CDC42BPA: variants seen among roughly 807,000 people sequenced by gnomAD.
CDC42BPA encodes CDC42 binding protein kinase alpha.
Under a neutral mutation model 223.5 loss-of-function variants are expected in CDC42BPA, and 80 were observed. That is an observed-to-expected ratio of 0.36 (90% CI 0.30 to 0.43). The LOEUF is 0.43. Among genes scored for constraint, CDC42BPA ranks in the 20% least tolerant of loss-of-function variants. The pLI is 1.00. For missense variants in CDC42BPA, 1,743 were observed against 2,099.9 expected (o/e 0.83, Z 3.32); for synonymous variants, 694 against 718.6 (o/e 0.97, Z 0.55).
chr1:227,184,635 TTAAC>T (rs1464242256), intron 5 of CDC42BPA, among the ~76,000 whole-genome samples: 46 of 152,158 alleles, frequency 3.0e-4, no homozygotes, highest in South Asian at 2.1e-4. Flanking sequence ...CAAAATCTGT[TTAAC>T]TACTCCAGTT....
At chr1:227,077,823 CT>C (rs1679823918) in intron 17 of CDC42BPA, among the ~76,000 whole-genome samples, 1 of 152,132 alleles carries the variant, frequency 6.6e-6, no homozygotes, top group African/African-American at 2.4e-5. Context: ...ACCTCCTTAA[CT>C]CACAATTCAG....
chr1:227,220,181 G>C (rs1480872794), intron 2 of CDC42BPA, among the ~76,000 whole-genome samples: 2 of 151,276 alleles, frequency 1.3e-5, no homozygotes, highest in African/African-American at 4.9e-5. Context: ...GAGCAAATTT[G>C]GCTGTCCTTA....
chr1:227,192,412 T>C (rs1669876207), intron 5 of CDC42BPA, among the ~76,000 whole-genome samples: 1 of 152,226 alleles, frequency 6.6e-6, no homozygotes, highest in Non-Finnish European at 1.5e-5. Context: ...TCAGCACTTC[T>C]GCAGCTGACT....
At chr1:227,276,695 A>T (rs555540099) in intron 1 of CDC42BPA, among the ~76,000 whole-genome samples, 1 of 152,368 alleles carries the variant, frequency 6.6e-6, no homozygotes, top group South Asian at 2.1e-4. Context: ...TGTAGAAAGA[A>T]GTGGACATAG....
At chr1:227,184,463 C>A (rs2150068323) in intron 5 of CDC42BPA, among the ~76,000 whole-genome samples, 1 of 151,298 alleles carries the variant, frequency 6.6e-6, no homozygotes, top group Admixed American at 6.6e-5. Context: ...TTCTCAAAAT[C>A]AGTTGAAAAT....
intron 10 of CDC42BPA, among the ~76,000 whole-genome samples, chr1:227,135,510 G>A (rs1297646259): frequency 2.0e-5 from 3 of 152,084 alleles, no homozygotes; most frequent in Admixed American, 2.0e-4. Context: ...GCTCTATCCA[G>A]CTCCCGATTC....
chr1:227,259,340 G>C (rs1683648472), intron 1 of CDC42BPA, among the ~76,000 whole-genome samples: 1 of 150,920 alleles, frequency 6.6e-6, no homozygotes, highest in South Asian at 2.1e-4. Flanking sequence ...CAAGTGTTGA[G>C]GCAAACATCC....
chr1:227,142,911 C>T (rs781203147), intron 9 of CDC42BPA, 34 bp downstream of exon 9: 25 of 1,464,946 alleles, frequency 1.7e-5, no homozygotes, highest in Non-Finnish European at 2.3e-5. Context: ...AGCCACTGCA[C>T]TTGGCCCAAA....
chr1:227,003,488 A>G (rs1663322925), intron 35 of CDC42BPA, among the ~76,000 whole-genome samples: 1 of 152,226 alleles, frequency 6.6e-6, no homozygotes, highest in Non-Finnish European at 1.5e-5. Flanking sequence ...TGATCACTTG[A>G]TAATCTACAA....
At chr1:227,243,756 T>TCACA (rs5781477) in intron 2 of CDC42BPA, among the ~76,000 whole-genome samples, 1,588 of 146,638 alleles carry the variant, frequency 0.011, 19 homozygotes, top group East Asian at 0.039. Flanking sequence ...AAAAGATTTG[T>TCACA]CACACACACA....
Position 227,199,655 on chromosome 1 carries a change from G to C in CDC42BPA, c.355-3C>G. The C allele has an allele frequency of 6.4e-7, 1 of 1,558,778 alleles. No individual in the cohort carries two copies. Among genetic ancestry groups the C allele is most frequent in the Admixed American group, 1.7e-5 (1 of 58,412 alleles). On this transcript the variant is annotated splice_region_variant and splice_polypyrimidine_tract_variant and intron_variant, in intron 3 of 36. Coordinates refer to ENST00000366766, the MANE Select transcript of CDC42BPA (RefSeq NM_001394014.1). ...CTTTCTTCACGAAAACATGCTGTCT[G>C]AAACACAAAAAGAAAATTTTTAGAG...
intron 34 of CDC42BPA, among the ~76,000 whole-genome samples, chr1:227,015,451 T>G (rs1174301958): frequency 1.3e-5 from 2 of 152,056 alleles, no homozygotes; most frequent in Non-Finnish European, 2.9e-5. Context: ...AATGGGGTCT[T>G]GCTTATGTTG....
chr1:227,259,580 C>T (rs975836146), intron 1 of CDC42BPA, among the ~76,000 whole-genome samples: 3 of 150,806 alleles, frequency 2.0e-5, no homozygotes, highest in Admixed American at 1.3e-4. Context: ...CAACTAGACA[C>T]GGTTAGCTTC....
intron 21 of CDC42BPA, among the ~76,000 whole-genome samples, chr1:227,066,476 T>C (rs1255420660): frequency 1.3e-5 from 2 of 152,118 alleles, no homozygotes; most frequent in Admixed American, 1.3e-4. Context: ...TTATGCGAAA[T>C]ATCTTGGATG....
intron 21 of CDC42BPA, among the ~76,000 whole-genome samples, chr1:227,067,087 C>T (rs1677241875): frequency 6.6e-6 from 1 of 152,116 alleles, no homozygotes. Context: ...AGTTCCCTTG[C>T]AGTGCAATAA....
At chr1:227,117,731 T>A (rs1687991915) in intron 12 of CDC42BPA, among the ~76,000 whole-genome samples, 1 of 146,816 alleles carries the variant, frequency 6.8e-6, no homozygotes, top group Non-Finnish European at 1.5e-5. Context: ...TTTTAAAATC[T>A]CAGATTTTTT....
At chr1:227,057,897 T>A (rs115899596) in intron 21 of CDC42BPA, among the ~76,000 whole-genome samples, 2,200 of 152,258 alleles carry the variant, frequency 0.014, 23 homozygotes, top group South Asian at 0.023. Context: ...AAGTGAGACA[T>A]AATTAATCCA....
chr1:227,187,130 A>C (rs974424577), intron 5 of CDC42BPA, among the ~76,000 whole-genome samples: 1 of 152,200 alleles, frequency 6.6e-6, no homozygotes, highest in Non-Finnish European at 1.5e-5. Context: ...TAACAACATC[A>C]TATCTGTCTT....
rs1320942742 is a variant in CDC42BPA at position 227,144,928 on chromosome 1, C to G, written c.1143+561G>C. ...TGGGTATTTAGTCCTGGAATCTGCC[C>G]TCTGTATCAGCAAAGCTGCTGATTT... On this transcript the variant is annotated intron_variant, in intron 8 of 36. Transcript: ENST00000366766. 2.0e-5 allele frequency among the ~76,000 whole-genome samples: 3 copies of G among 152,290 alleles called. No individual in the cohort carries two copies. The East Asian group carries it at 5.8e-4, about 29-fold the overall frequency.
Sources: gnomAD v4.1 joint callset for allele counts (sites outside exome capture counted in the v4.1 genomes callset) on GRCh38, gnomAD v4.1.1 for gene constraint, MANE v1.5 for transcripts, NCBI Gene and HGNC (gene_info 2026-07-23, HGNC 2026-07-21) for gene names.